The following MIA3 variants were observed in gnomAD, a reference collection of about 807,000 sequenced individuals.
The protein encoded by MIA3 is transport and Golgi organization protein 1 homolog.
Under a neutral mutation model 192.4 loss-of-function variants are expected in MIA3, and 90 were observed. The ratio of observed to expected loss-of-function variants is 0.47; its 90% CI spans 0.39 to 0.56. MIA3 has a LOEUF of 0.56. Among genes scored for constraint, MIA3 ranks in the 20% least tolerant of loss-of-function variants. The pLI is 0.00. For missense variants in MIA3, 2,123 were observed against 2,269.4 expected, an observed-to-expected ratio of 0.94 and a Z score of 1.31; for synonymous variants, 740 against 792.8, an observed-to-expected ratio of 0.93 and a Z score of 1.12.
chr1:222,666,800 T>C lies in MIA3; in HGVS notation c.*1181T>C, dbSNP rs1252543567. Reference sequence around the variant, plus strand: ...TAACTAACCATCTGGAATTGCACCATACTTAAAGTCTTATCCATTACTACA... The same window carrying C: ...TAACTAACCATCTGGAATTGCACCACACTTAAAGTCTTATCCATTACTACA... On this transcript the variant is annotated 3_prime_UTR_variant, in exon 28 of 28. Coordinates refer to ENST00000344922, the MANE Select transcript of MIA3 (RefSeq NM_198551.4). 6.6e-6 allele frequency: 1 copy of C among 152,196 alleles called. No homozygotes were observed. Among genetic ancestry groups the C allele is most frequent in the Admixed American group, 6.5e-5 (1 of 15,278 alleles). 9.4% of individuals were successfully genotyped at this position (152,196 alleles called of 1,614,324 possible). A position where few individuals can be genotyped will look rare whatever the true frequency, so the allele number is the denominator to read the frequency against.
At chr1:222,623,453 C>T (rs1661970252) in intron 2 of MIA3, among the ~76,000 whole-genome samples, 1 of 152,052 alleles carries the variant, frequency 6.6e-6, no homozygotes, top group Non-Finnish European at 1.5e-5. Flanking sequence ...ATTTGATGAA[C>T]CTTATTCTTA....
At chr1:222,650,973 C>G in intron 11 of MIA3, 70 bp downstream of exon 11, 1 of 871,526 alleles carries the variant, frequency 1.1e-6, no homozygotes, top group Non-Finnish European at 1.8e-6. Flanking sequence ...GAGTTGAACT[C>G]TTTATTTTCC....
In MIA3 at chr1:222,665,541, A is replaced by G. The variant is rs1664242923; in HGVS notation, c.5646A>G (p.Ser1882=). The G allele has an allele frequency of 6.2e-7, 1 of 1,614,138 alleles. No homozygotes were observed. The highest frequency in any genetic ancestry group is 1.3e-5 in the African/African-American group (1 of 75,044). ...PPPAVRDLLP[S]GSRDEPPPAS... ...CTGCTGTAAGAGACTTACTGCCGTC[A>G]GGCTCTAGAGATGAGCCTCCACCTG... Residue 1882 remains serine, a synonymous_variant, in exon 28 of 28, where the codon TCA becomes TCG. Coordinates refer to ENST00000344922, the MANE Select transcript of MIA3 (RefSeq NM_198551.4).
intron 7 of MIA3, among the ~76,000 whole-genome samples, chr1:222,646,692 C>T (rs1663165388): frequency 6.6e-6 from 1 of 152,138 alleles, no homozygotes; most frequent in South Asian, 2.1e-4. Context: ...GCAGATCATG[C>T]CACTGCACTC....
intron 24 of MIA3, 60 bp from the exon 25 acceptor site, chr1:222,661,996 C>A: frequency 7.1e-7 from 1 of 1,406,300 alleles, no homozygotes; most frequent in South Asian, 1.2e-5. Context: ...CCTGATCTGT[C>A]CACAATTTAT....
chr1:222,632,469 C>A, intron 5 of MIA3, 143 bp downstream of exon 5: 1 of 693,298 alleles, frequency 1.4e-6, no homozygotes, highest in Non-Finnish European at 2.3e-6. Context: ...GAAAAGCAGG[C>A]GTCAAGACAG....
At position 222,659,527 on chromosome 1, in the gene MIA3, T is replaced by C. The variant is rs756648167; in HGVS notation, c.4770+14T>C. On this transcript the variant is annotated intron_variant, in intron 20 of 27. Coordinates refer to ENST00000344922, the MANE Select transcript of MIA3 (RefSeq NM_198551.4). ...TTTAAAAACCAGGTAATAATTCTAGTGCCCTACTATATAGTGCCCGGAATT... is the reference window on the plus strand; with the variant it reads ...TTTAAAAACCAGGTAATAATTCTAGCGCCCTACTATATAGTGCCCGGAATT... The C allele has an allele frequency of 1.2e-6, 2 of 1,612,650 alleles. No homozygotes were observed. The highest frequency in any genetic ancestry group is 1.7e-6 in the Non-Finnish European group (2 of 1,178,806).
chr1:222,618,387 G>A, intron 1 of MIA3, 144 bp downstream of exon 1: 2 of 858,968 alleles, frequency 2.3e-6, no homozygotes, highest in Non-Finnish European at 3.1e-6. Flanking sequence ...GTCGCAGGCG[G>A]GATGGGCTGA....
At chr1:222,634,247 G>A (rs1216930796) in intron 6 of MIA3, among the ~76,000 whole-genome samples, 1 of 151,976 alleles carries the variant, frequency 6.6e-6, no homozygotes, top group Non-Finnish European at 1.5e-5. Flanking sequence ...CTTGAGCCCG[G>A]GAGGCAGAGG....
Position 222,645,680 on chromosome 1 carries a change from CTTG to C in MIA3, c.3609_3609+2del. 1.9e-6 allele frequency: 3 copies of C among 1,613,334 alleles called. No individual in the cohort carries two copies. Among genetic ancestry groups the C allele is most frequent in the South Asian group, 1.1e-5 (1 of 90,916 alleles). On this transcript the variant is annotated inframe_deletion and splice_region_variant, in exon 7 of 28. Transcript: ENST00000344922. ...TGCCATTTTCTTATGGAGAACTGTC[CTTG>C]TTGTGAGTAAATTAATGCATACTTT...
intron 5 of MIA3, among the ~76,000 whole-genome samples, chr1:222,632,737 C>T (rs1662454858): frequency 1.3e-5 from 2 of 152,204 alleles, no homozygotes; most frequent in African/African-American, 4.8e-5. Flanking sequence ...CTCTAAAACT[C>T]ACAAATTCTG....
chr1:222,658,081 C>G (rs892737365), intron 18 of MIA3, among the ~76,000 whole-genome samples: 2 of 152,188 alleles, frequency 1.3e-5, no homozygotes, highest in East Asian at 3.9e-4. Flanking sequence ...AACCAATTTC[C>G]AGTACATAGC....
chr1:222,649,939 AAG>A (rs924698279), intron 8 of MIA3: 5 of 285,184 alleles, frequency 1.8e-5, no homozygotes, highest in South Asian at 7.1e-5. Context: ...GAGCAGGAGC[AAG>A]AGAGAGTGAG....
chr1:222,639,287 T>C (rs1662756199), intron 6 of MIA3, among the ~76,000 whole-genome samples: 1 of 152,212 alleles, frequency 6.6e-6, no homozygotes, highest in Non-Finnish European at 1.5e-5. Flanking sequence ...GCTTCACTGC[T>C]GAATTCTATT....
chr1:222,658,851 A>G lies in MIA3; in HGVS notation c.4709+28A>G, dbSNP rs368238989. ...AAGTTCACCTCCTAAAGAGGGTATC[A>G]GTGGCTAATGAAACTAGTGTTGGCT... On this transcript the variant is annotated intron_variant, in intron 19 of 27. Coordinates refer to ENST00000344922, the MANE Select transcript of MIA3 (RefSeq NM_198551.4). The G allele has an allele frequency of 3.7e-5, 56 of 1,503,436 alleles. No individual in the cohort carries two copies. The East Asian group carries it at 1.1e-3, about 30-fold the overall frequency. 93.1% of individuals were successfully genotyped at this position (1,503,436 alleles called of 1,614,324 possible).
Position 222,653,110 on chromosome 1 carries a change from C to T in MIA3, c.4189C>T (p.His1397Tyr). The T allele has an allele frequency of 6.2e-7, 1 of 1,610,910 alleles. No individual in the cohort carries two copies. Among genetic ancestry groups the T allele is most frequent in the Non-Finnish European group, 8.5e-7 (1 of 1,177,246 alleles). ...GAAAGATTTGGAAGTAGCTCTTACT[C>T]ACAAGGATGATAATATTAATGTAAG... ...SQKDLEVALT[H>Y]KDDNINALTN... is the part of the protein sequence containing the mutation. The change falls in exon 14 of 28, where the codon CAC becomes TAC. Residue 1397 changes from histidine to tyrosine, a missense_variant. His to Tyr is a moderately conservative substitution (Grantham distance 83). Coordinates refer to ENST00000344922, the MANE Select transcript of MIA3 (RefSeq NM_198551.4).
chr1:222,650,643 T>G lies in MIA3; in HGVS notation c.3730T>G (p.Ser1244Ala). The G allele has an allele frequency of 6.3e-7, 1 of 1,582,116 alleles. No individual in the cohort carries two copies. Among genetic ancestry groups the G allele is most frequent in the Non-Finnish European group, 8.6e-7 (1 of 1,158,220 alleles). Residue 1244 changes from serine to alanine, a missense_variant, in exon 10 of 28, where the codon TCA becomes GCA. Physicochemically the swap from Ser to Ala is moderately conservative, Grantham distance 99. This residue lies in a region of MIA3 where 762 missense variants were observed against 856.4 expected (regional missense o/e 0.89). Coordinates refer to ENST00000344922, the MANE Select transcript of MIA3 (RefSeq NM_198551.4). ...LSNYEQKIKE[S>A]KKHVQETRKQ... is the part of the protein sequence containing the mutation. Reference sequence around the variant, plus strand: ...GCTTTATTTTATATAGATCAAGGAATCAAAGAAACATGTTCAGGAAACCAG... The same window carrying G: ...GCTTTATTTTATATAGATCAAGGAAGCAAAGAAACATGTTCAGGAAACCAG...
intron 18 of MIA3, among the ~76,000 whole-genome samples, chr1:222,656,936 A>G (rs924491493): frequency 6.6e-6 from 1 of 152,152 alleles, no homozygotes; most frequent in African/African-American, 2.4e-5. Context: ...TACTTCCTTC[A>G]ATTTGTAAGG....
intron 7 of MIA3, among the ~76,000 whole-genome samples, chr1:222,648,112 T>A (rs374022698): frequency 6.6e-6 from 1 of 152,178 alleles, no homozygotes; most frequent in African/African-American, 2.4e-5. Flanking sequence ...TCTTGTCCTA[T>A]AATTTAGTGC....
Sources: allele counts gnomAD v4.1 joint callset (sites outside exome capture counted in the v4.1 genomes callset), GRCh38; gene constraint gnomAD v4.1.1; regional missense constraint gnomAD v4.1.1; transcripts MANE v1.5; gene names NCBI Gene and HGNC (gene_info 2026-07-23, HGNC 2026-07-21).